The following PCBP3 variants were observed in gnomAD, a reference collection of about 807,000 sequenced individuals.
PCBP3 encodes poly(rC)-binding protein 3.
A neutral mutation model predicts 52.7 loss-of-function variants in PCBP3; 25 were observed. The observed-to-expected ratio is 0.47, with a 90% confidence interval of 0.35 to 0.66. The LOEUF is 0.66. Among genes scored for constraint, PCBP3 ranks in the 30% least tolerant of loss-of-function variants. The pLI, the probability that PCBP3 is intolerant of heterozygous loss-of-function variation, is 0.01. For missense variants in PCBP3, 391 were observed against 490.3 expected, an observed-to-expected ratio of 0.80 and a Z score of 1.91; for synonymous variants, 162 against 183.0, an observed-to-expected ratio of 0.89 and a Z score of 0.93.
intron 1 of PCBP3, among the ~76,000 whole-genome samples, chr21:45,645,046 A>G (rs562972674): frequency 1.1e-4 from 16 of 152,314 alleles, no homozygotes; most frequent in African/African-American, 3.4e-4. Context: ...TTTGGCCCCA[A>G]AAGGAGTGTT....
intron 3 of PCBP3, among the ~76,000 whole-genome samples, chr21:45,747,687 C>T (rs527304250): frequency 8.1e-4 from 123 of 152,366 alleles, no homozygotes; most frequent in Non-Finnish European, 1.6e-3. Flanking sequence ...GCCCTTACCC[C>T]GCTCCTCGCC....
chr21:45,760,436 A>G (rs1328319270), intron 4 of PCBP3: 2 of 152,248 alleles, frequency 1.3e-5, no homozygotes, highest in Non-Finnish European at 2.9e-5. Context: ...ACAAAGTTGT[A>G]TGCATGTGAG....
chr21:45,653,462 AATT>A (rs2079816934), intron 1 of PCBP3, among the ~76,000 whole-genome samples: 1 of 152,026 alleles, frequency 6.6e-6, no homozygotes, highest in Non-Finnish European at 1.5e-5. Context: ...TGGAGACTTT[AATT>A]ATTATGACTG....
At chr21:45,688,666 A>G (rs998435980) in intron 2 of PCBP3, among the ~76,000 whole-genome samples, 1 of 152,148 alleles carries the variant, frequency 6.6e-6, no homozygotes, top group Non-Finnish European at 1.5e-5. Context: ...AAGAATATGA[A>G]GGCATAATCA....
chr21:45,728,365 GT>G (rs747097338), intron 2 of PCBP3, among the ~76,000 whole-genome samples: 1 of 151,968 alleles, frequency 6.6e-6, no homozygotes, highest in Non-Finnish European at 1.5e-5. Context: ...TTTCTTTTTT[GT>G]TTATATGGTG....
intron 1 of PCBP3, among the ~76,000 whole-genome samples, chr21:45,653,136 G>T (rs572139832): frequency 3.8e-4 from 58 of 152,070 alleles, no homozygotes; most frequent in Non-Finnish European, 7.1e-4. Flanking sequence ...TTAATCCTTT[G>T]AAATATGCTG....
chr21:45,804,782 G>A (rs1435708696), intron 4 of PCBP3, among the ~76,000 whole-genome samples: 1 of 152,108 alleles, frequency 6.6e-6, no homozygotes, highest in Non-Finnish European at 1.5e-5. Flanking sequence ...TGTGAATGAC[G>A]GTTTTCACCT....
intron 5 of PCBP3, among the ~76,000 whole-genome samples, chr21:45,879,526 T>C (rs942410708): frequency 2.6e-5 from 4 of 152,204 alleles, no homozygotes; most frequent in African/African-American, 9.7e-5. Context: ...GGTTTTTATG[T>C]GCACATGGGA....
At chr21:45,885,073 G>C (rs1447107363) in intron 5 of PCBP3, among the ~76,000 whole-genome samples, 1 of 152,118 alleles carries the variant, frequency 6.6e-6, no homozygotes, top group African/African-American at 2.4e-5. Context: ...AGAGGACTTA[G>C]GCCTTCTCCC....
chr21:45,856,894 C>T (rs2094320251), intron 5 of PCBP3, among the ~76,000 whole-genome samples: 1 of 152,152 alleles, frequency 6.6e-6, no homozygotes, highest in Admixed American at 6.5e-5. Context: ...AAAGTGAGGG[C>T]TTCCAGGCTA....
intron 2 of PCBP3, among the ~76,000 whole-genome samples, chr21:45,708,072 T>G (rs901178188): frequency 6.6e-6 from 1 of 152,232 alleles, no homozygotes; most frequent in African/African-American, 2.4e-5. Context: ...TGAGGAAGTT[T>G]AATTCTACTG....
intron 9 of PCBP3, 108 bp downstream of exon 9, chr21:45,901,221 GC>G: frequency 1.3e-6 from 1 of 782,548 alleles, no homozygotes; most frequent in South Asian, 1.4e-5. Flanking sequence ...GCCCCAGCCC[GC>G]CCAGGCAACC....
chr21:45,782,389 T>C (rs1271070088), intron 4 of PCBP3, among the ~76,000 whole-genome samples: 2 of 152,126 alleles, frequency 1.3e-5, no homozygotes, highest in Non-Finnish European at 2.9e-5. Context: ...TTGAAACATA[T>C]AGGATCTGAA....
intron 4 of PCBP3, among the ~76,000 whole-genome samples, chr21:45,823,337 T>G (rs1026955553): frequency 1.3e-5 from 2 of 152,140 alleles, no homozygotes; most frequent in African/African-American, 4.8e-5. Flanking sequence ...CCTTAATTCC[T>G]TCAGGGGACC....
chr21:45,892,498 G>A (rs2095700705), intron 5 of PCBP3, among the ~76,000 whole-genome samples: 2 of 149,840 alleles, frequency 1.3e-5, no homozygotes, highest in South Asian at 2.1e-4. Flanking sequence ...CGTCTCTCAC[G>A]GGGCGTGGAG....
intron 13 of PCBP3, among the ~76,000 whole-genome samples, chr21:45,923,449 TC>T (rs2074757034): frequency 1.3e-5 from 2 of 152,290 alleles, no homozygotes; most frequent in South Asian, 2.1e-4. Flanking sequence ...TGGCTGGAGT[TC>T]CATCTTTCCT....
Position 45,789,866 on chromosome 21 carries a change from G to A in PCBP3, c.-126+34414G>A, listed in dbSNP as rs144347933. On this transcript the variant is annotated intron_variant, in intron 4 of 17. Transcript: ENST00000681687. ...GTAGAGAATAGTCTCTCGGCCGGGC[G>A]CAGTGGCTCACGCCTGTAATCCCAC... 7.6e-4 allele frequency among the ~76,000 whole-genome samples: 115 copies of A among 152,304 alleles called. 2 individuals are homozygous for A. In the East Asian group the frequency reaches 0.021, roughly 28 times the overall value.
rs2086007763 is a variant in PCBP3, at chr21:45,737,902, G to C, written c.-162+2473G>C. ...AGCTCATCTGAGTGGATGTTTCCCAGGGGAGCCAGTAGTTTTGGAAGCACT... is the reference window on the plus strand; with the variant it reads ...AGCTCATCTGAGTGGATGTTTCCCACGGGAGCCAGTAGTTTTGGAAGCACT... On this transcript the variant is annotated intron_variant, in intron 3 of 17. Transcript: ENST00000681687. This position sits in a 1 kb window ranked among gnomAD's most constrained non-coding sequence, Gnocchi z 4.9. Among the ~76,000 whole-genome samples the C allele has an allele frequency of 2.0e-5, 3 of 152,210 alleles. No individual in the cohort carries two copies. Among genetic ancestry groups the C allele is most frequent in the Non-Finnish European group, 1.5e-5 (1 of 68,038 alleles).
intron 13 of PCBP3, among the ~76,000 whole-genome samples, chr21:45,927,288 TCC>T (rs2075558572): frequency 1.3e-5 from 1 of 79,746 alleles, no homozygotes. Flanking sequence ...TCCCTCCCTC[TCC>T]CCCTCCTCCC....
Sources: allele counts gnomAD v4.1 joint callset (sites outside exome capture counted in the v4.1 genomes callset), GRCh38; gene constraint gnomAD v4.1.1; non-coding constraint Gnocchi (gnomAD v3.1); transcripts MANE v1.5; gene names NCBI Gene and HGNC (gene_info 2026-07-23, HGNC 2026-07-21).